The following MGST2 variants were observed in gnomAD, a reference collection of about 807,000 sequenced individuals.
MGST2 encodes glutathione peroxidase MGST2.
In MGST2, 9 loss-of-function variants were observed where a neutral mutation model predicts 16.6. The observed-to-expected ratio is 0.54, with a 90% CI of 0.33 to 0.95. MGST2 has a LOEUF of 0.95. MGST2 is among the 40% of genes least tolerant of loss of function. The pLI is 0.03. For missense variants in MGST2, 159 were observed against 175.1 expected (o/e 0.91, Z 0.52); for synonymous variants, 79 against 68.0 (o/e 1.16, Z -0.79).
At chr4:139,719,121 C>T (rs146277765) in intron 5 of MGST2, 97 of 591,974 alleles carry the variant, frequency 1.6e-4, no homozygotes, top group African/African-American at 1.3e-3. Context: ...CGTCTCATCT[C>T]GATTGCTGTG....
chr4:139,725,105 C>T (rs1409697256), intron 5 of MGST2, among the ~76,000 whole-genome samples: 3 of 152,136 alleles, frequency 2.0e-5, no homozygotes, highest in African/African-American at 2.4e-5. Context: ...TTTGAACGGG[C>T]CTTCCACATT....
the MGST2 span, among the ~76,000 whole-genome samples, chr4:139,753,834 G>A: frequency 1.3e-5 from 2 of 152,108 alleles, no homozygotes; most frequent in African/African-American, 2.4e-5. Flanking sequence ...CAAGACGCAC[G>A]GGTATGGCTG....
chr4:139,748,050 G>A, the MGST2 span, among the ~76,000 whole-genome samples: 23 of 67,448 alleles, frequency 3.4e-4, no homozygotes, highest in Admixed American at 3.2e-3. Context: ...GCAAGACTTC[G>A]TCTAAAAAAA....
chr4:139,684,743 G>T (rs1254946057), intron 2 of MGST2, among the ~76,000 whole-genome samples: 6 of 152,202 alleles, frequency 3.9e-5, no homozygotes. Flanking sequence ...TGAGAGTGCA[G>T]TAGTAAAGAC....
At position 139,726,925 on chromosome 4, in the gene MGST2, G is replaced by A. The variant is rs543367683; in HGVS notation, c.*49-13287G>A. ...GTTTCAGTTCTAGGTCTGCCGTCAA[G>A]TAGCTTGCGTGACCTTGGGGATGTT... On this transcript the variant is annotated intron_variant, in intron 5 of 5. Transcript: ENST00000616265. 2.0e-5 allele frequency among the ~76,000 whole-genome samples: 3 copies of A among 152,334 alleles called. No homozygotes were observed. In the East Asian group the frequency reaches 5.8e-4, roughly 29 times the overall value.
At chr4:139,709,071 A>ATTTT (rs377191495), downstream of MGST2, among the ~76,000 whole-genome samples, 9 of 82,026 alleles carry the variant, frequency 1.1e-4, no homozygotes, top group South Asian at 1.5e-3. Flanking sequence ...AATGGAAAAA[A>ATTTT]TTTTTTTTTT....
At chr4:139,678,190 A>G (rs983787322) in intron 1 of MGST2, among the ~76,000 whole-genome samples, 6 of 152,192 alleles carry the variant, frequency 3.9e-5, no homozygotes, top group East Asian at 1.9e-4. Flanking sequence ...GTGAACCTCC[A>G]GGGGGCCAAG....
At chr4:139,722,201 T>A (rs1474290286) in intron 5 of MGST2, among the ~76,000 whole-genome samples, 1 of 152,240 alleles carries the variant, frequency 6.6e-6, no homozygotes, top group Non-Finnish European at 1.5e-5. Context: ...TAGGCAGTGA[T>A]ACATTAATCC....
chr4:139,704,003 GTCCAC>G lies in MGST2; in HGVS notation c.312-10_312-6del, dbSNP rs755441311. 9 of 1,613,990 alleles carry G rather than the reference GTCCAC, an allele frequency of 5.6e-6. No homozygotes were observed. In the South Asian group the frequency reaches 9.9e-5, roughly 18 times the overall value. On this transcript the variant is annotated splice_polypyrimidine_tract_variant and splice_region_variant and intron_variant, in intron 4 of 4. Coordinates refer to ENST00000265498, the MANE Select transcript of MGST2 (RefSeq NM_002413.5). ...CCAGTTTGTCACTTTTCTCCCTCATGTCCACTCTGCAGGATCACCGGTTTCCGACT... is the reference window on the plus strand; with the variant it reads ...CCAGTTTGTCACTTTTCTCCCTCATGTCTGCAGGATCACCGGTTTCCGACT...
the MGST2 span, among the ~76,000 whole-genome samples, chr4:139,753,951 T>A: frequency 6.6e-6 from 1 of 151,938 alleles, no homozygotes; most frequent in Non-Finnish European, 1.5e-5. Flanking sequence ...GAGACTGGGG[T>A]GGAGGGAGGG....
At chr4:139,698,602 C>T (rs1229565420) in intron 3 of MGST2, 4 of 799,988 alleles carry the variant, frequency 5.0e-6, no homozygotes, top group African/African-American at 3.4e-5. Context: ...GGCTGGAGCT[C>T]GGCGAGCGAG....
At chr4:139,682,189 C>T in intron 2 of MGST2, among the ~76,000 whole-genome samples, 1 of 151,596 alleles carries the variant, frequency 6.6e-6, no homozygotes, top group Non-Finnish European at 1.5e-5. Context: ...GCGAAAGACC[C>T]CAACTCAAAA....
At chr4:139,688,605 T>C (rs1232111483) in intron 2 of MGST2, among the ~76,000 whole-genome samples, 1 of 152,188 alleles carries the variant, frequency 6.6e-6, no homozygotes, top group East Asian at 1.9e-4. Context: ...CCTTAATGCA[T>C]GTCTAAAAAC....
chr4:139,719,080 T>G, intron 5 of MGST2: 1 of 485,776 alleles, frequency 2.1e-6, no homozygotes, highest in Non-Finnish European at 3.6e-6. Context: ...CCTCCGGGTG[T>G]CTCCCTCTCT....
chr4:139,754,036 T>C, the MGST2 span, among the ~76,000 whole-genome samples: 226 of 152,348 alleles, frequency 1.5e-3, 1 homozygote, highest in Middle Eastern at 0.017. Flanking sequence ...ACATGTACAT[T>C]AATATGTTGT....
chr4:139,751,621 T>C, the MGST2 span, among the ~76,000 whole-genome samples: 2 of 152,184 alleles, frequency 1.3e-5, no homozygotes, highest in South Asian at 4.1e-4. Flanking sequence ...TCAACCTGTA[T>C]ATATAACCCA....
chr4:139,714,769 AGG>A (rs1579347094), intron 5 of MGST2, among the ~76,000 whole-genome samples: 2 of 150,938 alleles, frequency 1.3e-5, no homozygotes, highest in East Asian at 3.9e-4. Flanking sequence ...TGAAATGATC[AGG>A]GAGGCCAGAG....
At chr4:139,682,959 C>T (rs377315582) in intron 2 of MGST2, among the ~76,000 whole-genome samples, 2 of 152,236 alleles carry the variant, frequency 1.3e-5, no homozygotes, top group Non-Finnish European at 2.9e-5. Context: ...TCACCACCCA[C>T]GAGCTGGAGA....
At chr4:139,708,219 C>T (rs1579339864), downstream of MGST2, among the ~76,000 whole-genome samples, 2 of 152,204 alleles carry the variant, frequency 1.3e-5, no homozygotes, top group South Asian at 2.1e-4. Context: ...GTCTTTATTC[C>T]ATCTTGAATT....
Sources: gnomAD v4.1 joint callset for allele counts (sites outside exome capture counted in the v4.1 genomes callset) on GRCh38, gnomAD v4.1.1 for gene constraint, MANE v1.5 for transcripts, NCBI Gene and HGNC (gene_info 2026-07-23, HGNC 2026-07-21) for gene names.